Variants in ILDR2 observed in about 807,000 individuals in gnomAD.
ILDR2 encodes the protein immunoglobulin-like domain-containing receptor 2.
Under a neutral mutation model 66.8 loss-of-function variants are expected in ILDR2, and 25 were observed. That is an observed-to-expected ratio of 0.37 (90% CI 0.27 to 0.52). The LOEUF is 0.52. ILDR2 is among the 20% of genes least tolerant of loss of function. ILDR2 has a pLI of 0.88. For synonymous variants in ILDR2, 367 were observed against 357.2 expected, an observed-to-expected ratio of 1.03 and a Z score of -0.31; for missense variants, 827 against 876.8, an observed-to-expected ratio of 0.94 and a Z score of 0.72.
In ILDR2 at chr1:166,915,298, C is replaced by T. The variant is rs538304407; in HGVS notation, c.*4057G>A. ...AGCCCCAAAGGATTGAGAGGGACCT[C>T]ACCAGGACATTTGAAGAAAAAATTC... On this transcript the variant is annotated 3_prime_UTR_variant, in exon 10 of 10. Coordinates refer to ENST00000271417, the MANE Select transcript of ILDR2 (RefSeq NM_199351.3). The T allele has an allele frequency of 6.6e-6, 1 of 152,386 alleles. No homozygotes were observed. The highest frequency in any genetic ancestry group is 2.1e-4 in the South Asian group (1 of 4,830). 9.4% of individuals were successfully genotyped at this position (152,386 alleles called of 1,614,324 possible).
At chr1:166,897,989 T>C (rs1659201879) in intron 2 of ILDR2, among the ~76,000 whole-genome samples, 1 of 152,154 alleles carries the variant, frequency 6.6e-6, no homozygotes, top group South Asian at 2.1e-4. Flanking sequence ...GTAAGGGCAG[T>C]CTTGTGATGG....
At chr1:166,906,689 T>A (rs913250883), downstream of ILDR2, among the ~76,000 whole-genome samples, 1 of 152,208 alleles carries the variant, frequency 6.6e-6, no homozygotes, top group Non-Finnish European at 1.5e-5. Context: ...AAGCAGAAAG[T>A]GGCAAAGTCA....
At chr1:166,949,525 A>G (rs1290398173) in intron 3 of ILDR2, among the ~76,000 whole-genome samples, 2 of 152,232 alleles carry the variant, frequency 1.3e-5, no homozygotes, top group Non-Finnish European at 2.9e-5. Flanking sequence ...TCATACTTGA[A>G]GCAAAACTGA....
intron 6 of ILDR2, among the ~76,000 whole-genome samples, chr1:166,931,386 G>T (rs1180320457): frequency 6.6e-6 from 1 of 152,216 alleles, no homozygotes; most frequent in African/African-American, 2.4e-5. Context: ...CCCCCAAGGT[G>T]ACAGCAGCTC....
chr1:166,972,359 G>C (rs566834916), intron 1 of ILDR2, among the ~76,000 whole-genome samples: 2 of 152,306 alleles, frequency 1.3e-5, no homozygotes, highest in South Asian at 4.1e-4. Flanking sequence ...GTTTCTCACA[G>C]CCTCTGCTGC....
At chr1:166,895,735 A>G (rs1324803986) in exon 3 of ILDR2, 4 of 152,234 alleles carry the variant, frequency 2.6e-5, no homozygotes, top group African/African-American at 9.6e-5. Flanking sequence ...TAATATATTT[A>G]TGAACATGGG....
At position 166,921,014 on chromosome 1, in the gene ILDR2, T is replaced by G; in HGVS notation, c.1577A>C (p.His526Pro). 2.0e-6 allele frequency: 3 copies of G among 1,512,328 alleles called. No individual in the cohort carries two copies. In the South Asian group the frequency reaches 3.7e-5, roughly 19 times the overall value. The allele number at this position is 1,512,328 out of a possible 1,614,324, so 93.7% of individuals were successfully genotyped here. A position where few individuals can be genotyped will look rare whatever the true frequency, so the allele number is the denominator to read the frequency against. ...CTCCCGCGCGCTGCCCAGGTACGAG[T>G]GGTCGTATTTGGGTGCGGTGCCTGG... Reference protein sequence around the residue: ...RTPGTAPKYDHSYLGSARERQ... With the variant: ...RTPGTAPKYDPSYLGSARERQ... Residue 526 changes from histidine (H) to proline (P), a missense_variant, in exon 9 of 10, where the codon CAC (histidine) becomes CCC (proline). His to Pro is a moderately conservative substitution (Grantham distance 77). This residue lies in a region of ILDR2 where 390 missense variants were observed against 353.6 expected (regional missense o/e 1.10). Transcript: ENST00000271417. This position sits in a 1 kb window ranked among gnomAD's most constrained non-coding sequence, Gnocchi z 5.3.
Position 166,921,366 on chromosome 1 carries a change from T to G in ILDR2, c.1225A>C (p.Lys409Gln). 6.4e-7 allele frequency: 1 copy of G among 1,570,680 alleles called. No individual in the cohort carries two copies. Residue 409 changes from lysine to glutamine, a missense_variant, in exon 9 of 10, where the codon AAG becomes CAG. Lys to Gln is a moderately conservative substitution (Grantham distance 53). This residue lies in a region of ILDR2 where 437 missense variants were observed against 523.2 expected (regional missense o/e 0.84). Coordinates refer to ENST00000271417, the MANE Select transcript of ILDR2 (RefSeq NM_199351.3). The surrounding 1 kb of genome is among the most constrained non-coding windows in gnomAD (Gnocchi z 5.3). ...TTCTTCCGCGACAGCATCTCCGACT[T>G]GGAGCGCGGCTGGCTGCGGGCAGAG... ...ESFRHSQPRS[K>Q]SEMLSRKNFA...
chr1:166,957,830 T>G lies in ILDR2; in HGVS notation c.318A>C (p.Lys106Asn), dbSNP rs1450603561. 6.2e-7 allele frequency: 1 copy of G among 1,614,182 alleles called. No individual in the cohort carries two copies. The highest frequency in any genetic ancestry group is 1.7e-5 in the Admixed American group (1 of 60,026). ...CTCCCAGGGTGACAGTCGAGCCCTG[T>G]TTTGAAGCTACTACTCGAACAGTCC... Reference protein sequence around the residue: ...SRRTVRVVASKQGSTVTLGDF... With the variant: ...SRRTVRVVASNQGSTVTLGDF... Residue 106 changes from lysine to asparagine, a missense_variant, in exon 2 of 10, where the codon AAA becomes AAC. Coordinates refer to ENST00000271417, the MANE Select transcript of ILDR2 (RefSeq NM_199351.3).
chr1:166,897,713 T>TG lies in ILDR2; in HGVS notation n.172-1613dup, dbSNP rs1388381884. 2.4e-4 allele frequency among the ~76,000 whole-genome samples: 36 copies of TG among 152,360 alleles called. 1 individual carries two copies. The highest frequency in any genetic ancestry group is 2.1e-4 in the Non-Finnish European group (14 of 68,038). ...TCGTTGGTAATATACATCAATGTCC[T>TG]GGAAGAGTGACACATTCTGAGGACA... On this transcript the variant is annotated intron_variant and non_coding_transcript_variant, in intron 2 of 2. Transcript: ENST00000414590.
chr1:166,903,444 C>T (rs1183814559), downstream of ILDR2, among the ~76,000 whole-genome samples: 1 of 152,152 alleles, frequency 6.6e-6, no homozygotes, highest in African/African-American at 2.4e-5. Flanking sequence ...AAGTAATTTC[C>T]CTTCAGTCAA....
At chr1:166,922,564 C>T (rs779131464) in intron 8 of ILDR2, 29 bp downstream of exon 8, 10 of 1,596,208 alleles carry the variant, frequency 6.3e-6, no homozygotes, top group African/African-American at 5.4e-5. Context: ...CCCCTCACAC[C>T]GACCAGACCT....
chr1:166,932,106 C>A (rs1660673034), intron 6 of ILDR2, among the ~76,000 whole-genome samples: 2 of 152,152 alleles, frequency 1.3e-5, no homozygotes, highest in African/African-American at 2.4e-5. Context: ...TGGAAGAACA[C>A]CCAGCATACA....
chr1:166,928,535 C>T (rs1264979343), intron 6 of ILDR2, among the ~76,000 whole-genome samples: 2 of 152,160 alleles, frequency 1.3e-5, no homozygotes, highest in Admixed American at 6.5e-5. Flanking sequence ...GACCTAACTC[C>T]AGCATTCCCT....
At chr1:166,942,812 C>T (rs1179785216) in intron 3 of ILDR2, among the ~76,000 whole-genome samples, 1 of 152,174 alleles carries the variant, frequency 6.6e-6, no homozygotes, top group Admixed American at 6.5e-5. Flanking sequence ...CTTCTTATTT[C>T]TAGGGAGCTA....
At chr1:166,968,782 A>C (rs938448421) in intron 1 of ILDR2, among the ~76,000 whole-genome samples, 1 of 152,066 alleles carries the variant, frequency 6.6e-6, no homozygotes. Context: ...GTGAGAACAA[A>C]ATGCTCAGAT....
intron 6 of ILDR2, chr1:166,933,443 C>T (rs758434167): frequency 2.1e-5 from 8 of 389,184 alleles, no homozygotes; most frequent in Non-Finnish European, 2.5e-5. Context: ...GAACTAGGTC[C>T]TTCAGGGCTG....
In ILDR2 at chr1:166,916,133, A is replaced by C. The variant is rs1659634485; in HGVS notation, c.*3222T>G. ...CCCTCCTCCAGCGTGTTCCTGACTC[A>C]GTAGTGACTCACAGGCAAGCACAGC... On this transcript the variant is annotated 3_prime_UTR_variant, in exon 10 of 10. Transcript: ENST00000271417. 3 of 152,390 alleles carry C rather than the reference A, an allele frequency of 2.0e-5. No homozygotes were observed. In the South Asian group the frequency reaches 6.2e-4, roughly 32 times the overall value. 9.4% of individuals were successfully genotyped at this position (152,390 alleles called of 1,614,324 possible).
rs766881226 is a variant in ILDR2, at chr1:166,921,408, G to A, written c.1212-29C>T. 3 of 1,515,284 alleles carry A rather than the reference G, an allele frequency of 2.0e-6. No homozygotes were observed. Among genetic ancestry groups the A allele is most frequent in the Non-Finnish European group, 2.7e-6 (3 of 1,127,906 alleles). 93.9% of individuals were successfully genotyped at this position (1,515,284 alleles called of 1,614,324 possible). A position where few individuals can be genotyped will look rare whatever the true frequency, so the allele number is the denominator to read the frequency against. On this transcript the variant is annotated intron_variant, in intron 8 of 9. Transcript: ENST00000271417. The surrounding 1 kb of genome is among the most constrained non-coding windows in gnomAD (Gnocchi z 5.3). ...CGGGCAGAGAAGGAGGGGGTCAGAC[G>A]GCCGGTCCCTCCCTGGAGCTCCAGG...
Sources: gnomAD v4.1 joint callset for allele counts (sites outside exome capture counted in the v4.1 genomes callset) on GRCh38, gnomAD v4.1.1 for gene constraint, gnomAD v4.1.1 regional missense constraint, Gnocchi (gnomAD v3.1) non-coding constraint, MANE v1.5 for transcripts, NCBI Gene and HGNC (gene_info 2026-07-23, HGNC 2026-07-21) for gene names.